Variants in PRKD1 observed in about 807,000 individuals in gnomAD.
PRKD1 encodes serine/threonine-protein kinase D1.
Under a neutral mutation model 95.9 loss-of-function variants are expected in PRKD1, and 63 were observed. The observed-to-expected ratio is 0.66, with a 90% CI of 0.54 to 0.81. The LOEUF (loss-of-function observed/expected upper bound fraction) is 0.81. PRKD1 is among the 30% of genes least tolerant of loss of function. The pLI, the probability that PRKD1 is intolerant of heterozygous loss-of-function variation, is 0.00. For missense variants in PRKD1, 1,048 were observed against 1,165.3 expected (o/e 0.90, Z 1.47); for synonymous variants, 425 against 423.1 (o/e 1.00, Z -0.05).
chr14:29,665,821 T>C (rs921492569), intron 3 of PRKD1, among the ~76,000 whole-genome samples: 1 of 152,122 alleles, frequency 6.6e-6, no homozygotes, highest in African/African-American at 2.4e-5. Flanking sequence ...GTAATAGGTG[T>C]ATATATAGAT....
At chr14:29,592,572 CATACAGAT>C (rs1232214354) in intron 16 of PRKD1, 2 of 149,116 alleles carry the variant, frequency 1.3e-5, no homozygotes, top group African/African-American at 2.5e-5. Context: ...TAAATACATA[CATACAGAT>C]AGACAGAAGT....
rs190770427 is a variant in PRKD1, at chr14:29,845,484, G to T, written c.264+81765C>A. ...TTTTTGTATTGAAGTTCAACATTTG[G>T]AAAATACTTACATAAACTCTAAGCA... is the stretch of plus-strand genomic sequence containing the variant. On this transcript the variant is annotated intron_variant, in intron 1 of 17. Transcript: ENST00000331968. Among the ~76,000 whole-genome samples, 779 of 152,152 alleles carry T rather than the reference G, an allele frequency of 5.1e-3. 2 individuals are homozygous for T. The highest frequency in any genetic ancestry group is 0.021 in the South Asian group (102 of 4,820).
chr14:29,814,124 G>A (rs920264377), intron 1 of PRKD1, among the ~76,000 whole-genome samples: 1 of 152,170 alleles, frequency 6.6e-6, no homozygotes, highest in African/African-American at 2.4e-5. Context: ...CTCTTTACTA[G>A]CTAAATTCCC....
rs181566943 is a variant in PRKD1, at chr14:29,667,749, T to C, written c.404-1541A>G. Among the ~76,000 whole-genome samples the C allele has an allele frequency of 3.0e-3, 456 of 152,274 alleles. 3 individuals are homozygous for C. Among genetic ancestry groups the C allele is most frequent in the Non-Finnish European group, 4.9e-3 (336 of 68,024 alleles). On this transcript the variant is annotated intron_variant, in intron 2 of 17. Coordinates refer to ENST00000331968, the MANE Select transcript of PRKD1 (RefSeq NM_002742.3). ...ATCACCCCTCCAGACCAAACAACTA[T>C]GACAATACTATCACAACGATTAGTT... is the stretch of plus-strand genomic sequence containing the variant.
At chr14:29,650,238 T>G (rs1366195439) in intron 4 of PRKD1, 1 of 152,504 alleles carries the variant, frequency 6.6e-6, no homozygotes, top group African/African-American at 2.4e-5. Context: ...GTCACTCCCC[T>G]GGAGGTGATC....
intron 1 of PRKD1, among the ~76,000 whole-genome samples, chr14:29,922,244 T>G (rs1337415974): frequency 1.4e-5 from 2 of 146,784 alleles, no homozygotes; most frequent in African/African-American, 5.1e-5. Flanking sequence ...GAGTTTGCAG[T>G]GAGCCGAGAT....
intron 2 of PRKD1, 64 bp downstream of exon 2, chr14:29,725,472 C>T (rs1886093334): frequency 2.6e-6 from 4 of 1,560,452 alleles, no homozygotes; most frequent in Non-Finnish European, 3.5e-6. Context: ...AAAACATATG[C>T]CCAAGAATTC....
At chr14:29,667,313 C>T (rs1882580212) in intron 2 of PRKD1, among the ~76,000 whole-genome samples, 1 of 152,162 alleles carries the variant, frequency 6.6e-6, no homozygotes, top group Admixed American at 6.6e-5. Flanking sequence ...TTTAAACTTC[C>T]ATTAATGTAA....
At chr14:29,774,124 G>T (rs10136250) in intron 1 of PRKD1, among the ~76,000 whole-genome samples, 2 of 152,090 alleles carry the variant, frequency 1.3e-5, no homozygotes, top group Non-Finnish European at 2.9e-5. Context: ...AGAATCAACC[G>T]CAAAAACAAA....
chr14:29,890,321 G>A (rs1265418802), intron 1 of PRKD1, among the ~76,000 whole-genome samples: 2 of 152,100 alleles, frequency 1.3e-5, no homozygotes, highest in Non-Finnish European at 2.9e-5. Flanking sequence ...TTGAAAGTGA[G>A]CGCTTCATCA....
intron 9 of PRKD1, among the ~76,000 whole-genome samples, chr14:29,632,064 G>C (rs1007194111): frequency 8.5e-5 from 13 of 152,060 alleles, no homozygotes; most frequent in African/African-American, 3.1e-4. Flanking sequence ...GCCTCCCAAA[G>C]TGCTGGGATT....
intron 1 of PRKD1, among the ~76,000 whole-genome samples, chr14:29,732,991 AG>A: frequency 6.7e-6 from 1 of 149,440 alleles, no homozygotes; most frequent in Non-Finnish European, 1.5e-5. Context: ...CATGACATTT[AG>A]AAAATTTTCA....
intron 16 of PRKD1, 114 bp from the exon 17 acceptor site, chr14:29,578,474 G>A: frequency 4.5e-6 from 2 of 447,820 alleles, no homozygotes; most frequent in Non-Finnish European, 6.2e-6. Context: ...TAGTGACAAG[G>A]CACTAGAACC....
intron 1 of PRKD1, among the ~76,000 whole-genome samples, chr14:29,754,909 T>C (rs944064080): frequency 2.6e-5 from 4 of 152,130 alleles, no homozygotes; most frequent in African/African-American, 7.2e-5. Context: ...TACTAACTTA[T>C]ATCATCCCAA....
At chr14:29,919,600 T>C (rs1895013093) in intron 1 of PRKD1, among the ~76,000 whole-genome samples, 1 of 152,200 alleles carries the variant, frequency 6.6e-6, no homozygotes, top group African/African-American at 2.4e-5. Flanking sequence ...TTCTTATAGA[T>C]TAAAAAATGT....
chr14:29,812,633 A>G (rs1022151345), intron 1 of PRKD1, among the ~76,000 whole-genome samples: 2 of 152,140 alleles, frequency 1.3e-5, no homozygotes, highest in Non-Finnish European at 2.9e-5. Flanking sequence ...CACAGGAAAA[A>G]GTACCATGTA....
intron 1 of PRKD1, among the ~76,000 whole-genome samples, chr14:29,924,997 A>T (rs978125291): frequency 2.0e-5 from 3 of 152,206 alleles, no homozygotes; most frequent in Non-Finnish European, 4.4e-5. Flanking sequence ...ATTTATTTAC[A>T]GTATTCTGTA....
In PRKD1 at chr14:29,913,173, G is replaced by A. The variant is rs74040633; in HGVS notation, c.264+14076C>T. 1.8e-3 allele frequency among the ~76,000 whole-genome samples: 269 copies of A among 152,294 alleles called. 1 individual carries two copies. The highest frequency in any genetic ancestry group is 6.3e-3 in the African/African-American group (260 of 41,580). Reference sequence around the variant, plus strand: ...GATAACATTCTAACCTAAGTAGGGTGTTTGTTTTTGTTTTTAGCTTAAACC... The same window carrying A: ...GATAACATTCTAACCTAAGTAGGGTATTTGTTTTTGTTTTTAGCTTAAACC... On this transcript the variant is annotated intron_variant, in intron 1 of 17. Transcript: ENST00000331968.
chr14:29,727,970 T>C (rs908695860), intron 1 of PRKD1, among the ~76,000 whole-genome samples: 4 of 140,656 alleles, frequency 2.8e-5, no homozygotes, highest in African/African-American at 8.0e-5. Context: ...TGAGAATACA[T>C]GGACACAGGA....
Sources: allele counts gnomAD v4.1 joint callset (sites outside exome capture counted in the v4.1 genomes callset), GRCh38; gene constraint gnomAD v4.1.1; transcripts MANE v1.5; gene names NCBI Gene and HGNC (gene_info 2026-07-23, HGNC 2026-07-21).